AK9: variants seen among roughly 807,000 people sequenced by gnomAD.
The protein encoded by AK9 is adenylate kinase 9.
A neutral mutation model predicts 239.6 loss-of-function variants in AK9; 191 were observed. That is an observed-to-expected ratio of 0.80 (90% CI 0.71 to 0.90). AK9 has a LOEUF of 0.90. Among genes scored for constraint, AK9 ranks in the 40% least tolerant of loss-of-function variants. AK9 has a pLI of 0.00. For synonymous variants in AK9, 689 were observed against 721.0 expected, an observed-to-expected ratio of 0.96 and a Z score of 0.71; for missense variants, 1,995 against 2,214.7, an observed-to-expected ratio of 0.90 and a Z score of 1.99.
intron 12 of AK9, among the ~76,000 whole-genome samples, chr6:109,620,060 A>G (rs1794633686): frequency 6.6e-6 from 1 of 152,060 alleles, no homozygotes; most frequent in Admixed American, 6.6e-5. Context: ...TTATCTATTG[A>G]TAGACATTTG....
At chr6:109,565,665 A>G (rs1252336175) in intron 21 of AK9, among the ~76,000 whole-genome samples, 4 of 152,140 alleles carry the variant, frequency 2.6e-5, no homozygotes, top group Non-Finnish European at 5.9e-5. Context: ...TGCTGCACAT[A>G]CAGATCCAGC....
chr6:109,497,360 A>ACTCTCT (rs1199537013), intron 38 of AK9, 105 bp downstream of exon 38: 244 of 557,474 alleles, frequency 4.4e-4, no homozygotes, highest in Admixed American at 8.7e-4. Context: ...ACACACACAC[A>ACTCTCT]CACTCTCTCT....
In AK9 at chr6:109,633,255, T is replaced by A. The variant is rs772712867; in HGVS notation, c.1002A>T (p.Lys334Asn). 6.2e-7 allele frequency: 1 copy of A among 1,610,196 alleles called. No homozygotes were observed. Among genetic ancestry groups the A allele is most frequent in the South Asian group, 1.1e-5 (1 of 89,778 alleles). Reference protein sequence around the residue: ...IAPRYRWQRSKWGRTCPVNLK... With the variant: ...IAPRYRWQRSNWGRTCPVNLK... ...AATTCACAGGACATGTACGTCCCCA[T>A]TTACTTCTTTGCCATCTGTATCTTG... is the stretch of plus-strand genomic sequence containing the variant. The change falls in exon 11 of 41, where the codon AAA (lysine) becomes AAT (asparagine). Residue 334 changes from lysine (K) to asparagine (N), a missense_variant. Around this residue, in one of 5 missense-constraint regions of AK9, gnomAD observed 1,290 missense variants for 1,392.7 expected, o/e 0.93. Coordinates refer to ENST00000424296, the MANE Select transcript of AK9 (RefSeq NM_001145128.3).
At chr6:109,574,611 G>C (rs576491278) in intron 20 of AK9, among the ~76,000 whole-genome samples, 1 of 151,956 alleles carries the variant, frequency 6.6e-6, no homozygotes, top group Non-Finnish European at 1.5e-5. Flanking sequence ...AAATAAATTC[G>C]GAATTATTTT....
chr6:109,513,949 C>A (rs1229332422), intron 32 of AK9, among the ~76,000 whole-genome samples: 1 of 152,190 alleles, frequency 6.6e-6, no homozygotes, highest in Non-Finnish European at 1.5e-5. Context: ...TCAGTTTCTT[C>A]ATCTCCCTGT....
At chr6:109,670,201 T>C (rs767709721) in intron 5 of AK9, among the ~76,000 whole-genome samples, 15 of 152,142 alleles carry the variant, frequency 9.9e-5, no homozygotes, top group Non-Finnish European at 1.9e-4. Context: ...TAGATCCTGC[T>C]TCAAAAAAAA....
chr6:109,541,949 G>T, intron 27 of AK9, 98 bp downstream of exon 27: 1 of 1,067,840 alleles, frequency 9.4e-7, no homozygotes. Flanking sequence ...GAATATAAAG[G>T]AGAAAGTTCT....
At chr6:109,560,008 G>A (rs1437824455) in intron 24 of AK9, among the ~76,000 whole-genome samples, 1 of 152,068 alleles carries the variant, frequency 6.6e-6, no homozygotes, top group Non-Finnish European at 1.5e-5. Flanking sequence ...CTGACTTCCT[G>A]TCTTCCTCTT....
chr6:109,551,561 AATG>A (rs1784363682), intron 24 of AK9, among the ~76,000 whole-genome samples: 1 of 151,912 alleles, frequency 6.6e-6, no homozygotes, highest in Non-Finnish European at 1.5e-5. Flanking sequence ...GCTGGAAAAT[AATG>A]ATTTTTTTCC....
At chr6:109,616,090 A>G (rs199733849) in intron 13 of AK9, among the ~76,000 whole-genome samples, 1 of 152,074 alleles carries the variant, frequency 6.6e-6, no homozygotes, top group African/African-American at 2.4e-5. Context: ...AAAAAAAATC[A>G]CAACCACTAT....
intron 24 of AK9, among the ~76,000 whole-genome samples, chr6:109,562,305 A>C (rs1785878687): frequency 6.6e-6 from 1 of 152,140 alleles, no homozygotes; most frequent in African/African-American, 2.4e-5. Context: ...CCATTAATGT[A>C]TATTTCATTT....
chr6:109,549,001 T>C (rs1188143839), intron 25 of AK9, among the ~76,000 whole-genome samples: 1 of 152,178 alleles, frequency 6.6e-6, no homozygotes. Context: ...GTTAAGCTTC[T>C]GGAGGGCCAA....
rs1777194441 is a variant in AK9, at chr6:109,497,460, C to A, written c.5315+5G>T. On this transcript the variant is annotated splice_donor_5th_base_variant and intron_variant, in intron 38 of 40. Transcript: ENST00000424296. ...CAGTAAATATTTGTGATTTAATGGT[C>A]TCACCTCAAAAATTTCTGGAGTTTT... 3 of 1,550,128 alleles carry A rather than the reference C, an allele frequency of 1.9e-6. No individual in the cohort carries two copies. The South Asian group carries it at 3.4e-5, about 17-fold the overall frequency.
At chr6:109,565,338 G>A (rs1397352240) in intron 21 of AK9, among the ~76,000 whole-genome samples, 1 of 152,042 alleles carries the variant, frequency 6.6e-6, no homozygotes, top group Non-Finnish European at 1.5e-5. Flanking sequence ...AGCCAGGCAT[G>A]GTGGCTCACA....
intron 13 of AK9, among the ~76,000 whole-genome samples, chr6:109,615,531 G>A (rs1185420427): frequency 6.6e-6 from 1 of 152,014 alleles, no homozygotes; most frequent in Non-Finnish European, 1.5e-5. Context: ...TTTTAATTTT[G>A]AAGGTATTAT....
chr6:109,642,300 T>C (rs1159991386), intron 9 of AK9, among the ~76,000 whole-genome samples: 2 of 152,254 alleles, frequency 1.3e-5, no homozygotes, highest in Admixed American at 1.3e-4. Context: ...CATGGAAGAA[T>C]CTGGAAAAAT....
chr6:109,632,862 C>CATAGATAGATAGATAG lies in AK9; in HGVS notation c.1254+45_1254+60dup, dbSNP rs3060798. On this transcript the variant is annotated intron_variant, in intron 12 of 40. Coordinates refer to ENST00000424296, the MANE Select transcript of AK9 (RefSeq NM_001145128.3). ...CGAGTATAGATACATGACAGATAGA[C>CATAGATAGATAGATAG]ATAGATAGATAGATAGATAGATAGA... 814 of 1,254,158 alleles carry CATAGATAGATAGATAG rather than the reference C, an allele frequency of 6.5e-4. 5 individuals are homozygous for CATAGATAGATAGATAG. The highest frequency in any genetic ancestry group is 1.6e-3 in the East Asian group (61 of 37,702). The allele number at this position is 1,254,158 out of a possible 1,614,324, so 77.7% of individuals were successfully genotyped here.
chr6:109,654,521 G>A (rs866150685), intron 8 of AK9, among the ~76,000 whole-genome samples: 101 of 152,034 alleles, frequency 6.6e-4, no homozygotes, highest in African/African-American at 2.4e-3. Context: ...AGTAGAGATG[G>A]GGTTTCACCA....
At chr6:109,529,702 G>A (rs576540196) in intron 28 of AK9, among the ~76,000 whole-genome samples, 1 of 152,164 alleles carries the variant, frequency 6.6e-6, no homozygotes, top group Non-Finnish European at 1.5e-5. Context: ...GATAGTGACA[G>A]ATCATCAGGC....
Sources: allele counts gnomAD v4.1 joint callset (sites outside exome capture counted in the v4.1 genomes callset), GRCh38; gene constraint gnomAD v4.1.1; regional missense constraint gnomAD v4.1.1; transcripts MANE v1.5; gene names NCBI Gene and HGNC (gene_info 2026-07-23, HGNC 2026-07-21).